CARMIL1: variants seen among roughly 807,000 people sequenced by gnomAD.
CARMIL1 encodes capping protein regulator and myosin 1 linker 1.
A neutral mutation model predicts 177.1 loss-of-function variants in CARMIL1; 90 were observed. The observed-to-expected ratio is 0.51, with a 90% CI of 0.43 to 0.61. The LOEUF (loss-of-function observed/expected upper bound fraction) is 0.61, where lower values mean the gene tolerates loss of function less well. Ranked by LOEUF, CARMIL1 falls within the 20% of genes least tolerant of loss-of-function variation. The pLI, the probability that CARMIL1 is intolerant of heterozygous loss-of-function variation, is 0.00. For synonymous variants in CARMIL1, 577 were observed against 606.2 expected, an observed-to-expected ratio of 0.95 and a Z score of 0.71; for missense variants, 1,380 against 1,667.0, an observed-to-expected ratio of 0.83 and a Z score of 3.00.
intron 31 of CARMIL1, among the ~76,000 whole-genome samples, chr6:25,586,719 G>A (rs965335345): frequency 3.3e-5 from 5 of 152,248 alleles, no homozygotes; most frequent in East Asian, 3.9e-4. Flanking sequence ...TCGGGAGGCC[G>A]AGGCGGGCAG....
intron 29 of CARMIL1, among the ~76,000 whole-genome samples, chr6:25,559,164 C>G (rs745457074): frequency 6.6e-6 from 1 of 152,088 alleles, no homozygotes; most frequent in Non-Finnish European, 1.5e-5. Context: ...TAAAGGAAAT[C>G]GATTTTCTGA....
At chr6:25,477,652 A>G (rs1306784340) in intron 11 of CARMIL1, among the ~76,000 whole-genome samples, 1 of 152,026 alleles carries the variant, frequency 6.6e-6, no homozygotes, top group Admixed American at 6.6e-5. Context: ...GTGGAATAGA[A>G]CAGAAAATGT....
At chr6:25,612,016 T>G (rs956745739) in intron 36 of CARMIL1, among the ~76,000 whole-genome samples, 1 of 152,222 alleles carries the variant, frequency 6.6e-6, no homozygotes, top group Non-Finnish European at 1.5e-5. Context: ...GTAGCAAATC[T>G]TAGGAATGGC....
At chr6:25,432,637 C>G (rs1159893352) in intron 4 of CARMIL1, among the ~76,000 whole-genome samples, 1 of 152,000 alleles carries the variant, frequency 6.6e-6, no homozygotes, top group Non-Finnish European at 1.5e-5. Context: ...CAACTGAATA[C>G]CTGCTATGAT....
At chr6:25,431,836 A>G (rs1360524335) in intron 4 of CARMIL1, among the ~76,000 whole-genome samples, 1 of 152,078 alleles carries the variant, frequency 6.6e-6, no homozygotes, top group Non-Finnish European at 1.5e-5. Flanking sequence ...TACCAAATGA[A>G]TAGCTTTACA....
intron 36 of CARMIL1, among the ~76,000 whole-genome samples, chr6:25,611,800 C>T: frequency 6.6e-6 from 1 of 152,192 alleles, no homozygotes; most frequent in East Asian, 1.9e-4. Context: ...AACCCACCAG[C>T]CTCACAAGTA....
At chr6:25,606,011 T>A (rs776335895) in intron 34 of CARMIL1, 50 bp from the exon 35 acceptor site, 3 of 1,355,876 alleles carry the variant, frequency 2.2e-6, no homozygotes, top group Non-Finnish European at 3.1e-6. Flanking sequence ...TAGCTTCAAG[T>A]TATTGGCTTC....
Position 25,449,932 on chromosome 6 carries a change from G to C in CARMIL1, c.406G>C (p.Glu136Gln), listed in dbSNP as rs762501694. The part of the protein sequence containing the change: ...IMKKVSMEPS[E>Q]RLASLQALWD... ...GAAAAAAGTCTCCATGGAGCCATCT[G>C]AGCGCCTGGCTAGTCTCCAGGCGCT... The change falls in exon 6 of 37, where the codon GAG becomes CAG. Residue 136 changes from glutamate to glutamine, a missense_variant. Coordinates refer to ENST00000329474, the MANE Select transcript of CARMIL1 (RefSeq NM_017640.6). 3 of 1,611,644 alleles carry C rather than the reference G, an allele frequency of 1.9e-6. No individual in the cohort carries two copies. The highest frequency in any genetic ancestry group is 2.5e-6 in the Non-Finnish European group (3 of 1,178,452).
chr6:25,469,675 A>C (rs1192586002), intron 9 of CARMIL1, among the ~76,000 whole-genome samples: 2 of 151,732 alleles, frequency 1.3e-5, no homozygotes, highest in African/African-American at 4.8e-5. Context: ...CTCCCACCTT[A>C]CCCTCCTGAG....
chr6:25,468,783 A>G (rs1800851535), intron 9 of CARMIL1, among the ~76,000 whole-genome samples: 1 of 152,242 alleles, frequency 6.6e-6, no homozygotes, highest in African/African-American at 2.4e-5. Context: ...ATTTTAAAGA[A>G]AAGTTGGAGA....
At chr6:25,460,626 TGA>T (rs1189882889) in intron 8 of CARMIL1, among the ~76,000 whole-genome samples, 18 of 152,230 alleles carry the variant, frequency 1.2e-4, no homozygotes, top group Admixed American at 8.5e-4. Flanking sequence ...GCAGCCAGGC[TGA>T]GAGGTATTAA....
chr6:25,398,750 A>G (rs1793640817), intron 2 of CARMIL1, among the ~76,000 whole-genome samples: 1 of 152,206 alleles, frequency 6.6e-6, no homozygotes, highest in South Asian at 2.1e-4. Flanking sequence ...TTTATGAGTA[A>G]ATAATGTAAC....
chr6:25,496,472 C>CAAAAA (rs34420791), intron 16 of CARMIL1, among the ~76,000 whole-genome samples: 1 of 101,600 alleles, frequency 9.8e-6, no homozygotes, highest in Non-Finnish European at 1.9e-5. Context: ...GACTCCATCT[C>CAAAAA]AAAAAAAAAA....
intron 33 of CARMIL1, among the ~76,000 whole-genome samples, chr6:25,604,319 A>G (rs369967472): frequency 1.3e-5 from 2 of 152,056 alleles, no homozygotes; most frequent in Admixed American, 6.6e-5. Context: ...ACCTCAAACA[A>G]TTCTCCCATC....
chr6:25,400,045 G>A (rs1204513562), intron 2 of CARMIL1, among the ~76,000 whole-genome samples: 1 of 152,138 alleles, frequency 6.6e-6, no homozygotes, highest in African/African-American at 2.4e-5. Flanking sequence ...AGCTGGTCCA[G>A]GCGTGTCTGT....
Position 25,495,538 on chromosome 6 carries a change from C to CGTGTGTGTGTGT in CARMIL1, c.1325+350_1325+361dup, listed in dbSNP as rs144132253. On this transcript the variant is annotated intron_variant, in intron 16 of 36. Coordinates refer to ENST00000329474, the MANE Select transcript of CARMIL1 (RefSeq NM_017640.6). ...TCCATTTCAGGCATATTCGTTTGTT[C>CGTGTGTGTGTGT]GTGTGTGTGTGTGTGTGTGTGTGTG... Among the ~76,000 whole-genome samples, 119 of 144,976 alleles carry CGTGTGTGTGTGT rather than the reference C, an allele frequency of 8.2e-4. 1 individual carries two copies. The highest frequency in any genetic ancestry group is 2.1e-3 in the Admixed American group (31 of 14,548).
At chr6:25,538,590 A>G (rs1808552772) in intron 25 of CARMIL1, among the ~76,000 whole-genome samples, 1 of 152,210 alleles carries the variant, frequency 6.6e-6, no homozygotes, top group African/African-American at 2.4e-5. Flanking sequence ...TGATAGAAGC[A>G]TCTTTTGTTA....
intron 2 of CARMIL1, among the ~76,000 whole-genome samples, chr6:25,345,744 G>A (rs1787442853): frequency 6.6e-6 from 1 of 152,170 alleles, no homozygotes; most frequent in Non-Finnish European, 1.5e-5. Flanking sequence ...AGCCTCCTGA[G>A]TAGCTGGGCT....
rs191228201 is a variant in CARMIL1 at position 25,514,483 on chromosome 6, G to A, written c.1633-1192G>A. Among the ~76,000 whole-genome samples the A allele has an allele frequency of 2.7e-5, 4 of 145,894 alleles. No homozygotes were observed. In the East Asian group the frequency reaches 8.0e-4, roughly 29 times the overall value. The stretch of plus-strand genomic sequence containing the variant: ...AATCACTTGAATCTGGGAGGCGGAG[G>A]TTGCAGTAAGCTGAGATTATGCCAC... On this transcript the variant is annotated intron_variant, in intron 20 of 36. Transcript: ENST00000329474.
Sources: allele counts gnomAD v4.1 joint callset (sites outside exome capture counted in the v4.1 genomes callset), GRCh38; gene constraint gnomAD v4.1.1; transcripts MANE v1.5; gene names NCBI Gene and HGNC (gene_info 2026-07-23, HGNC 2026-07-21).